The following ST6GALNAC2 variants were observed in gnomAD, a reference collection of about 807,000 sequenced individuals.
ST6GALNAC2 encodes alpha-N-acetylgalactosaminide alpha-2,6-sialyltransferase 2.
ST6GALNAC2 carries 42 observed loss-of-function variants against 38.7 expected under a neutral mutation model. The observed-to-expected ratio is 1.09, with a 90% CI of 0.85 to 1.40. ST6GALNAC2 has a LOEUF of 1.40. Ranked by LOEUF, ST6GALNAC2 falls within the 40% of genes most tolerant of loss-of-function variation. The probability of loss-of-function intolerance (pLI) is 0.00; values close to 1 mark genes in which losing one functional copy is unlikely to be tolerated. For missense variants in ST6GALNAC2, 506 were observed against 481.7 expected, an observed-to-expected ratio of 1.05 and a Z score of -0.47; for synonymous variants, 233 against 209.0, an observed-to-expected ratio of 1.11 and a Z score of -0.99.
At position 76,585,760 on chromosome 17, in the gene ST6GALNAC2, C is replaced by T. The variant is rs866644211; in HGVS notation, c.49G>A (p.Ala17Thr). 2 of 1,552,772 alleles carry T rather than the reference C, an allele frequency of 1.3e-6. No individual in the cohort carries two copies. Among genetic ancestry groups the T allele is most frequent in the South Asian group, 2.4e-5 (2 of 84,414 alleles). The change falls in exon 1 of 9, where the codon GCT becomes ACT. Residue 17 changes from alanine to threonine, a missense_variant. Ala to Thr is a moderately conservative substitution (Grantham distance 58). Coordinates refer to ENST00000225276, the MANE Select transcript of ST6GALNAC2 (RefSeq NM_006456.3). ...GCAAAGAGGAGCCCCGAGCAGGCAG[C>T]CGTGAGCAGGAGCAGCAGCCAGAAG... ...SFFWLLLLLT[A>T]ACSGLLFALY...
intron 8 of ST6GALNAC2, among the ~76,000 whole-genome samples, chr17:76,566,549 A>G (rs558813931): frequency 5.5e-4 from 84 of 152,250 alleles, no homozygotes; most frequent in African/African-American, 1.9e-3. Context: ...ACTGCAGTCA[A>G]GACACTCCTG....
Position 76,582,338 on chromosome 17 carries a change from A to ATTTTTT in ST6GALNAC2, c.125+3340_125+3345dup, listed in dbSNP as rs71158026. Reference sequence around the variant, plus strand: ...CAGGCATGTGTCACCATGCCTGGCTATTTTTTTTTTTTTTGGTATTTTTAG... The same window carrying ATTTTTT: ...CAGGCATGTGTCACCATGCCTGGCTATTTTTTTTTTTTTTTTTTTTGGTATTTTTAG... On this transcript the variant is annotated intron_variant, in intron 1 of 8. Transcript: ENST00000225276. Among the ~76,000 whole-genome samples the ATTTTTT allele has an allele frequency of 3.7e-3, 425 of 115,334 alleles. 14 individuals are homozygous for ATTTTTT. The highest frequency in any genetic ancestry group is 0.022 in the South Asian group (75 of 3,442). The allele number at this position is 115,334 out of a possible 152,430, so 75.7% of individuals were successfully genotyped here.
chr17:76,570,562 C>T lies in ST6GALNAC2; in HGVS notation c.773+3G>A, dbSNP rs756863445. Reference sequence around the variant, plus strand: ...CCCACACCACCACGGCCTGGCTGCTCACCTGTCCCCTTTATCTAGGCCCTC... The same window carrying T: ...CCCACACCACCACGGCCTGGCTGCTTACCTGTCCCCTTTATCTAGGCCCTC... On this transcript the variant is annotated splice_donor_region_variant and intron_variant, in intron 6 of 8. Coordinates refer to ENST00000225276, the MANE Select transcript of ST6GALNAC2 (RefSeq NM_006456.3). 6.2e-6 allele frequency: 10 copies of T among 1,605,188 alleles called. No homozygotes were observed. The highest frequency in any genetic ancestry group is 1.7e-5 in the Admixed American group (1 of 59,580).
Position 76,574,415 on chromosome 17 carries a change from C to G in ST6GALNAC2, c.311G>C (p.Arg104Pro). The G allele has an allele frequency of 6.2e-7, 1 of 1,613,742 alleles. No individual in the cohort carries two copies. The highest frequency in any genetic ancestry group is 1.1e-5 in the South Asian group (1 of 91,072). Residue 104 changes from arginine to proline, a missense_variant, in exon 3 of 9, where the codon CGC becomes CCC. Coordinates refer to ENST00000225276, the MANE Select transcript of ST6GALNAC2 (RefSeq NM_006456.3). The part of the protein sequence containing the change: ...GDLFTPALWD[R>P]LSQHKAPYGW... ...ATACGGGGCTTTGTGTTGGCTCAGG[C>G]GGTCCCAGAGCGCTGGGGTGAAGAG...
Position 76,569,713 on chromosome 17 carries a change from C to T in ST6GALNAC2, c.773+852G>A, listed in dbSNP as rs535093448. 1.1e-4 allele frequency: 36 copies of T among 339,342 alleles called. No individual in the cohort carries two copies. The South Asian group carries it at 4.2e-3, about 39-fold the overall frequency. 21.0% of individuals were successfully genotyped at this position (339,342 alleles called of 1,614,324 possible). A position where few individuals can be genotyped will look rare whatever the true frequency, so the allele number is the denominator to read the frequency against. Reference sequence around the variant, plus strand: ...GCAGCCCCTAAGGGCCCAAGCCCAGCGTGTCACAAAGCCCAGCTCAGACCA... The same window carrying T: ...GCAGCCCCTAAGGGCCCAAGCCCAGTGTGTCACAAAGCCCAGCTCAGACCA... On this transcript the variant is annotated intron_variant, in intron 6 of 8. Coordinates refer to ENST00000225276, the MANE Select transcript of ST6GALNAC2 (RefSeq NM_006456.3).
intron 1 of ST6GALNAC2, among the ~76,000 whole-genome samples, chr17:76,583,331 G>T (rs576721939): frequency 2.9e-5 from 4 of 138,722 alleles, no homozygotes; most frequent in African/African-American, 1.1e-4. Flanking sequence ...AGCCGAGATG[G>T]GGCCACTGCA....
chr17:76,566,336 A>G, intron 8 of ST6GALNAC2, 65 bp from the exon 9 acceptor site: 1 of 1,553,446 alleles, frequency 6.4e-7, no homozygotes, highest in South Asian at 1.2e-5. Flanking sequence ...CACTTGGGTG[A>G]AGTGACATGA....
At chr17:76,568,939 G>T (rs747341613) in intron 6 of ST6GALNAC2, 143 bp from the exon 7 acceptor site, 1 of 699,292 alleles carries the variant, frequency 1.4e-6, no homozygotes. Context: ...GGAGAAGGGG[G>T]TGTAGAAGGT....
intron 1 of ST6GALNAC2, among the ~76,000 whole-genome samples, chr17:76,580,705 G>A (rs906301301): frequency 8.1e-6 from 1 of 123,828 alleles, no homozygotes; most frequent in Non-Finnish European, 1.8e-5. Flanking sequence ...GGGTGACAGA[G>A]TGAGACTCCA....
At chr17:76,575,446 G>A (rs568987829) in intron 2 of ST6GALNAC2, among the ~76,000 whole-genome samples, 1 of 151,980 alleles carries the variant, frequency 6.6e-6, no homozygotes, top group African/African-American at 2.4e-5. Context: ...ACTAGCATCC[G>A]TGGAAAGAGG....
At chr17:76,568,964 T>G in intron 6 of ST6GALNAC2, 168 bp from the exon 7 acceptor site, 1 of 589,324 alleles carries the variant, frequency 1.7e-6, no homozygotes, top group South Asian at 1.9e-5. Flanking sequence ...GGCAGTACGT[T>G]GGGGACCACG....
Position 76,573,159 on chromosome 17 carries a change from T to C in ST6GALNAC2, c.530+36A>G. On this transcript the variant is annotated intron_variant, in intron 4 of 8. Coordinates refer to ENST00000225276, the MANE Select transcript of ST6GALNAC2 (RefSeq NM_006456.3). This position sits in a 1 kb window ranked among gnomAD's most constrained non-coding sequence, Gnocchi z 5.1. The stretch of plus-strand genomic sequence containing the variant: ...GACACCCCCACCCTCCAGGCAACTC[T>C]CCCTCCCGCCCCTCCCCAGCTCCTA... 6.5e-7 allele frequency: 1 copy of C among 1,530,316 alleles called. No homozygotes were observed. The highest frequency in any genetic ancestry group is 8.9e-7 in the Non-Finnish European group (1 of 1,120,826). 94.8% of individuals were successfully genotyped at this position (1,530,316 alleles called of 1,614,324 possible). A position where few individuals can be genotyped will look rare whatever the true frequency, so the allele number is the denominator to read the frequency against.
intron 2 of ST6GALNAC2, 140 bp from the exon 3 acceptor site, chr17:76,574,679 T>C (rs2075394564): frequency 1.5e-6 from 1 of 685,886 alleles, no homozygotes; most frequent in Non-Finnish European, 2.3e-6. Flanking sequence ...CCTTGCATTT[T>C]TTTTTTTCTT....
intron 8 of ST6GALNAC2, 74 bp from the exon 9 acceptor site, chr17:76,566,345 G>C: frequency 6.5e-7 from 1 of 1,527,484 alleles, no homozygotes. Context: ...GAAGTGACAT[G>C]AGTTTAGAAA....
At chr17:76,568,422 T>TGACG in intron 7 of ST6GALNAC2, 1 of 468,660 alleles carries the variant, frequency 2.1e-6, no homozygotes, top group Non-Finnish European at 3.8e-6. Flanking sequence ...CCACTGCTGC[T>TGACG]GTGCACCTTA....
intron 1 of ST6GALNAC2, among the ~76,000 whole-genome samples, chr17:76,582,718 C>T (rs1419380891): frequency 6.6e-6 from 1 of 152,198 alleles, no homozygotes; most frequent in Non-Finnish European, 1.5e-5. Flanking sequence ...GTCCCAGATG[C>T]CCATCTTCCT....
At chr17:76,585,447 C>T (rs535002459) in intron 1 of ST6GALNAC2, among the ~76,000 whole-genome samples, 1 of 152,328 alleles carries the variant, frequency 6.6e-6, no homozygotes, top group Non-Finnish European at 1.5e-5. Flanking sequence ...TGCACAGGGG[C>T]GAGGTCTTCC....
chr17:76,585,711 C>A lies in ST6GALNAC2; in HGVS notation c.98G>T (p.Arg33Leu). The change falls in exon 1 of 9, where the codon CGG (arginine) becomes CTG (leucine). Residue 33 changes from arginine (R) to leucine (L), a missense_variant. Physicochemically the swap from Arg to Leu is moderately radical, Grantham distance 102. Transcript: ENST00000225276. The stretch of plus-strand genomic sequence containing the variant: ...GGCTCCGGCCGCTGGCCCCGGGTAC[C>A]GCTGCACCGCCGAGAAGTACAGGGC... ...LFALYFSAVQ[R>L]YPGPAAGARD... The A allele has an allele frequency of 6.5e-7, 1 of 1,532,756 alleles. No individual in the cohort carries two copies. The highest frequency in any genetic ancestry group is 8.7e-7 in the Non-Finnish European group (1 of 1,142,966). The allele number at this position is 1,532,756 out of a possible 1,614,324, so 94.9% of individuals were successfully genotyped here. A position where few individuals can be genotyped will look rare whatever the true frequency, so the allele number is the denominator to read the frequency against.
chr17:76,572,617 A>T lies in ST6GALNAC2; in HGVS notation c.669+20T>A. ...TGGTGCCATTGTCAACCACAATGGC[A>T]TGCCCGCCAGAGGCCTCACCTGTCC... On this transcript the variant is annotated intron_variant, in intron 5 of 8. Transcript: ENST00000225276. 1.2e-6 allele frequency: 2 copies of T among 1,613,682 alleles called. No individual in the cohort carries two copies. The highest frequency in any genetic ancestry group is 2.2e-5 in the South Asian group (2 of 91,082).
Sources: gnomAD v4.1 joint callset for allele counts (sites outside exome capture counted in the v4.1 genomes callset) on GRCh38, gnomAD v4.1.1 for gene constraint, Gnocchi (gnomAD v3.1) non-coding constraint, MANE v1.5 for transcripts, NCBI Gene and HGNC (gene_info 2026-07-23, HGNC 2026-07-21) for gene names.